Variants in BICD1 observed in about 807,000 individuals in gnomAD.
The protein encoded by BICD1 is BICD cargo adaptor 1.
A neutral mutation model predicts 92.5 loss-of-function variants in BICD1; 35 were observed. That is an observed-to-expected ratio of 0.38 (90% CI 0.29 to 0.50). The LOEUF (loss-of-function observed/expected upper bound fraction) is 0.50. BICD1 is among the 20% of genes least tolerant of loss of function. The pLI is 0.93. For missense variants in BICD1, 950 were observed against 1,189.8 expected (o/e 0.80, Z 2.97); for synonymous variants, 429 against 465.1 (o/e 0.92, Z 1.00).
chr12:32,344,481 T>G (rs73303907), intron 8 of BICD1, among the ~76,000 whole-genome samples: 1 of 151,976 alleles, frequency 6.6e-6, no homozygotes, highest in African/African-American at 2.4e-5. Flanking sequence ...GATGACAAGG[T>G]GGAGAGTGGA....
chr12:32,303,700 G>A (rs139787521), intron 3 of BICD1, among the ~76,000 whole-genome samples: 1 of 152,234 alleles, frequency 6.6e-6, no homozygotes, highest in Non-Finnish European at 1.5e-5. Flanking sequence ...AACAGAGGAA[G>A]AGCCTGGCTC....
rs564885876 is a variant in BICD1 at position 32,137,112 on chromosome 12, A to G, written c.213+29568A>G. ...TTTTTGTTTTTGTTTTGTTTGAGAC[A>G]GTGTCTCGCTCTGTTGCCCAGACTG... On this transcript the variant is annotated intron_variant, in intron 1 of 9. Coordinates refer to ENST00000652176, the MANE Select transcript of BICD1 (RefSeq NM_001714.4). Among the ~76,000 whole-genome samples the G allele has an allele frequency of 2.0e-5, 3 of 152,228 alleles. No homozygotes were observed. In the East Asian group the frequency reaches 5.8e-4, roughly 29 times the overall value.
intron 8 of BICD1, among the ~76,000 whole-genome samples, chr12:32,354,875 T>C (rs112505864): frequency 0.024 from 3,585 of 152,282 alleles, 137 homozygotes; most frequent in African/African-American, 0.081. Flanking sequence ...TCTCAGTTTT[T>C]CCTTATTATT....
intron 2 of BICD1, among the ~76,000 whole-genome samples, chr12:32,292,312 A>G (rs1241688162): frequency 6.6e-6 from 1 of 152,132 alleles, no homozygotes; most frequent in Non-Finnish European, 1.5e-5. Context: ...TTCTTCACAT[A>G]GTCTTCCCAT....
At chr12:32,131,424 G>A (rs1373130927) in intron 1 of BICD1, among the ~76,000 whole-genome samples, 1 of 152,158 alleles carries the variant, frequency 6.6e-6, no homozygotes, top group African/African-American at 2.4e-5. Context: ...GCCCCCAGAA[G>A]TGGTCCTACC....
intron 1 of BICD1, among the ~76,000 whole-genome samples, chr12:32,155,127 T>C (rs1227864175): frequency 6.6e-6 from 1 of 152,262 alleles, no homozygotes; most frequent in African/African-American, 2.4e-5. Flanking sequence ...TTTAAGTTTT[T>C]AAATCCACAG....
chr12:32,163,506 A>G (rs1049029454), intron 1 of BICD1, among the ~76,000 whole-genome samples: 9 of 152,104 alleles, frequency 5.9e-5, no homozygotes, highest in African/African-American at 1.9e-4. Flanking sequence ...TTTCTTGCAT[A>G]TCCTTACTTT....
intron 1 of BICD1, among the ~76,000 whole-genome samples, chr12:32,131,121 C>T (rs1565536286): frequency 6.6e-6 from 1 of 152,170 alleles, no homozygotes; most frequent in Non-Finnish European, 1.5e-5. Context: ...AGGTGTGAGT[C>T]ACCACGCCAG....
intron 8 of BICD1, among the ~76,000 whole-genome samples, chr12:32,344,344 A>G (rs1370712878): frequency 6.6e-6 from 1 of 152,174 alleles, no homozygotes; most frequent in Admixed American, 6.5e-5. Flanking sequence ...AAGTAATAGA[A>G]AGCGAGGCTG....
chr12:32,227,441 G>A (rs943078596), intron 2 of BICD1: 1 of 152,434 alleles, frequency 6.6e-6, no homozygotes, highest in Non-Finnish European at 1.5e-5. Flanking sequence ...TAATAGTGTA[G>A]TGGCAGAGGC....
intron 1 of BICD1, among the ~76,000 whole-genome samples, chr12:32,191,599 A>G (rs895884601): frequency 1.4e-5 from 2 of 147,188 alleles, no homozygotes; most frequent in African/African-American, 4.9e-5. Context: ...TATAATATGT[A>G]ATATATATAA....
intron 8 of BICD1, among the ~76,000 whole-genome samples, chr12:32,357,262 C>T (rs1939152871): frequency 6.6e-6 from 1 of 152,130 alleles, no homozygotes; most frequent in African/African-American, 2.4e-5. Flanking sequence ...GTCCACCCAC[C>T]TTGGCCTCCT....
chr12:32,203,839 T>A (rs1374363889), intron 1 of BICD1, among the ~76,000 whole-genome samples: 1 of 151,950 alleles, frequency 6.6e-6, no homozygotes, highest in African/African-American at 2.4e-5. Context: ...TCAATAGGGG[T>A]CTGGCACAAT....
At position 32,107,201 on chromosome 12, in the gene BICD1, G is replaced by C; in HGVS notation, c.-131G>C. 1.1e-6 allele frequency: 1 copy of C among 874,866 alleles called. No individual in the cohort carries two copies. Among genetic ancestry groups the C allele is most frequent in the Non-Finnish European group, 1.7e-6 (1 of 574,784 alleles). 54.2% of individuals were successfully genotyped at this position (874,866 alleles called of 1,614,324 possible). A position where few individuals can be genotyped will look rare whatever the true frequency, so the allele number is the denominator to read the frequency against. On this transcript the variant is annotated 5_prime_UTR_variant, in exon 1 of 10. Coordinates refer to ENST00000652176, the MANE Select transcript of BICD1 (RefSeq NM_001714.4). Reference sequence around the variant, plus strand: ...ACCAGAGCCGGCGGGGCATCGCGCTGCTCATTCATCCGGCCGCACTTTCTT... The same window carrying C: ...ACCAGAGCCGGCGGGGCATCGCGCTCCTCATTCATCCGGCCGCACTTTCTT...
chr12:32,201,938 C>T (rs12826324), intron 1 of BICD1, among the ~76,000 whole-genome samples: 4,326 of 152,212 alleles, frequency 0.028, 72 homozygotes, highest in Non-Finnish European at 0.04. Context: ...ATATACTTTC[C>T]GTATGCTGAT....
At chr12:32,330,385 G>A (rs1937793704) in intron 5 of BICD1, among the ~76,000 whole-genome samples, 1 of 147,712 alleles carries the variant, frequency 6.8e-6, no homozygotes, top group Non-Finnish European at 1.5e-5. Flanking sequence ...GAGAACACAT[G>A]GACACAGGAA....
intron 1 of BICD1, among the ~76,000 whole-genome samples, chr12:32,164,906 C>G (rs1943709042): frequency 6.6e-6 from 1 of 152,146 alleles, no homozygotes; most frequent in Non-Finnish European, 1.5e-5. Flanking sequence ...TTTTAATGAG[C>G]TCCCTGACAA....
At chr12:32,246,529 T>C (rs1379900891) in intron 2 of BICD1, among the ~76,000 whole-genome samples, 1 of 151,892 alleles carries the variant, frequency 6.6e-6, no homozygotes, top group Admixed American at 6.6e-5. Flanking sequence ...TCTCAACTAC[T>C]TTGGAGGCTA....
intron 1 of BICD1, among the ~76,000 whole-genome samples, chr12:32,158,299 G>A (rs1033086662): frequency 6.6e-6 from 1 of 151,758 alleles, no homozygotes; most frequent in Non-Finnish European, 1.5e-5. Flanking sequence ...GTAGAGACAG[G>A]GTTTTGCCAT....
Sources: allele counts gnomAD v4.1 joint callset (sites outside exome capture counted in the v4.1 genomes callset), GRCh38; gene constraint gnomAD v4.1.1; transcripts MANE v1.5; gene names NCBI Gene and HGNC (gene_info 2026-07-23, HGNC 2026-07-21).